The following WBP1L variants were observed in gnomAD, a reference collection of about 807,000 sequenced individuals.
WBP1L encodes WW domain binding protein 1-like.
Under a neutral mutation model 33.7 loss-of-function variants are expected in WBP1L, and 17 were observed. That is an observed-to-expected ratio of 0.50 (90% confidence interval 0.34 to 0.76). The LOEUF (loss-of-function observed/expected upper bound fraction) is 0.76, where lower values mean the gene tolerates loss of function less well. Among genes scored for constraint, WBP1L ranks in the 30% least tolerant of loss-of-function variants. WBP1L has a pLI of 0.01. For synonymous variants in WBP1L, 173 were observed against 190.8 expected (o/e 0.91, Z 0.77); for missense variants, 389 against 469.4 (o/e 0.83, Z 1.58).
rs574725663 is a variant in WBP1L at position 102,765,329 on chromosome 10, C to G, written c.90+21186C>G. ...ACTGCAGCCTCAACCTCCCTGGACA[C>G]TCAGTTGATCCTCCTACCTCACCCT... On this transcript the variant is annotated intron_variant, in intron 1 of 3. Coordinates refer to ENST00000448841, the MANE Select transcript of WBP1L (RefSeq NM_001083913.2). Among the ~76,000 whole-genome samples, 741 of 152,280 alleles carry G rather than the reference C, an allele frequency of 4.9e-3. 9 individuals are homozygous for G. The highest frequency in any genetic ancestry group is 0.023 in the Admixed American group (358 of 15,288).
Position 102,813,579 on chromosome 10 carries a change from C to G in WBP1L, c.*248C>G, listed in dbSNP as rs190292464. 9.2e-6 allele frequency: 5 copies of G among 543,194 alleles called. No homozygotes were observed. The highest frequency in any genetic ancestry group is 5.7e-5 in the African/African-American group (3 of 52,934). The allele number at this position is 543,194 out of a possible 1,614,324, so 33.6% of individuals were successfully genotyped here. On this transcript the variant is annotated 3_prime_UTR_variant, in exon 4 of 4. Transcript: ENST00000448841. The stretch of plus-strand genomic sequence containing the variant: ...TGGTTCTGTGACTCATTCCTCATAC[C>G]CTAACTCCATCTCCTTTCTTTAAAG...
chr10:102,754,837 T>C (rs893512650), intron 1 of WBP1L, among the ~76,000 whole-genome samples: 3 of 152,186 alleles, frequency 2.0e-5, no homozygotes, highest in Admixed American at 2.0e-4. Context: ...CCCAAGTAGC[T>C]AGGACTACAG....
At chr10:102,787,731 T>G (rs187871229) in intron 1 of WBP1L, among the ~76,000 whole-genome samples, 1 of 152,104 alleles carries the variant, frequency 6.6e-6, no homozygotes, top group Admixed American at 6.5e-5. Flanking sequence ...AATTTGAAAA[T>G]GTGTGCCCTT....
intron 1 of WBP1L, among the ~76,000 whole-genome samples, chr10:102,747,378 A>AT: frequency 6.6e-6 from 1 of 152,012 alleles, no homozygotes; most frequent in East Asian, 1.9e-4. Context: ...AAAAAAAAAA[A>AT]AAGAATGAGA....
chr10:102,763,400 T>C (rs1843068440), intron 1 of WBP1L, among the ~76,000 whole-genome samples: 1 of 152,036 alleles, frequency 6.6e-6, no homozygotes, highest in South Asian at 2.1e-4. Flanking sequence ...AACGAGATGG[T>C]AGACTTTGAT....
At chr10:102,772,304 A>G (rs912171333) in intron 1 of WBP1L, among the ~76,000 whole-genome samples, 2 of 113,050 alleles carry the variant, frequency 1.8e-5, no homozygotes, top group African/African-American at 7.0e-5. Flanking sequence ...TCTGTCGCCC[A>G]GGCTGGAGTG....
intron 1 of WBP1L, among the ~76,000 whole-genome samples, chr10:102,766,312 A>G (rs553866769): frequency 2.0e-5 from 3 of 151,752 alleles, no homozygotes; most frequent in South Asian, 2.1e-4. Context: ...CATGGTGCGC[A>G]TGCCTGTAAT....
intron 2 of WBP1L, among the ~76,000 whole-genome samples, chr10:102,800,502 T>C (rs1190039378): frequency 6.6e-6 from 1 of 152,148 alleles, no homozygotes; most frequent in African/African-American, 2.4e-5. Flanking sequence ...GAGAAAGAGC[T>C]GCATGAACGG....
chr10:102,800,637 G>A (rs1843643166), intron 2 of WBP1L, among the ~76,000 whole-genome samples: 1 of 152,300 alleles, frequency 6.6e-6, no homozygotes, highest in African/African-American at 2.4e-5. Flanking sequence ...GGAGGCATGG[G>A]AGACATAAAA....
At chr10:102,753,701 A>G (rs1434415873) in intron 1 of WBP1L, among the ~76,000 whole-genome samples, 1 of 152,228 alleles carries the variant, frequency 6.6e-6, no homozygotes, top group Non-Finnish European at 1.5e-5. Context: ...TCGTCTTCAC[A>G]GTGCCAAAGC....
chr10:102,783,415 G>A (rs771366322), intron 1 of WBP1L, among the ~76,000 whole-genome samples: 4 of 152,192 alleles, frequency 2.6e-5, no homozygotes, highest in South Asian at 2.1e-4. Flanking sequence ...TTGACTCAGC[G>A]GTCGCTAGGT....
intron 1 of WBP1L, among the ~76,000 whole-genome samples, chr10:102,782,715 G>A (rs1436831186): frequency 6.6e-6 from 1 of 152,052 alleles, no homozygotes; most frequent in East Asian, 1.9e-4. Flanking sequence ...CCTCACAAGA[G>A]GCTTCTATTG....
rs768725536 is a variant in WBP1L, at chr10:102,813,289, G to A, written c.1050G>A (p.Glu350=). ...PACLLLNTIN[E]QDSPNSQSSS... ...GCCTGCTGCTGAACACCATCAACGA[G>A]CAGGACTCTCCCAACTCCCAGAGCA... The change falls in exon 4 of 4, where the codon GAG becomes GAA. Residue 350 remains glutamate (E), a synonymous_variant. Coordinates refer to ENST00000448841, the MANE Select transcript of WBP1L (RefSeq NM_001083913.2). 5 of 1,612,556 alleles carry A rather than the reference G, an allele frequency of 3.1e-6. No individual in the cohort carries two copies. Among genetic ancestry groups the A allele is most frequent in the African/African-American group, 2.7e-5 (2 of 75,010 alleles).
At chr10:102,763,143 G>T (rs1843063940) in intron 1 of WBP1L, among the ~76,000 whole-genome samples, 1 of 148,866 alleles carries the variant, frequency 6.7e-6, no homozygotes, top group African/African-American at 2.5e-5. Context: ...GGCAGAGGCT[G>T]CAGTGAGCTG....
chr10:102,744,505 T>C, intron 1 of WBP1L: 1 of 984,210 alleles, frequency 1.0e-6, no homozygotes, highest in Non-Finnish European at 1.2e-6. Flanking sequence ...TGTACGTCTG[T>C]GTGTGTAGGG....
At chr10:102,760,236 C>T (rs1387983957) in intron 1 of WBP1L, among the ~76,000 whole-genome samples, 1 of 152,094 alleles carries the variant, frequency 6.6e-6, no homozygotes, top group Non-Finnish European at 1.5e-5. Flanking sequence ...GAGTGATGCC[C>T]AGGGTGAGAT....
chr10:102,774,935 G>A (rs1021650826), intron 1 of WBP1L, among the ~76,000 whole-genome samples: 1 of 151,714 alleles, frequency 6.6e-6, no homozygotes, highest in Non-Finnish European at 1.5e-5. Flanking sequence ...GCAACATGGC[G>A]AAACCCCATC....
chr10:102,772,935 T>TC (rs1260590872), intron 1 of WBP1L, among the ~76,000 whole-genome samples: 3 of 151,492 alleles, frequency 2.0e-5, no homozygotes, highest in Non-Finnish European at 4.4e-5. Flanking sequence ...CTTTTTTTTT[T>TC]TTTTTTTAAG....
chr10:102,750,393 T>C (rs924470008), intron 1 of WBP1L, among the ~76,000 whole-genome samples: 1 of 151,120 alleles, frequency 6.6e-6, no homozygotes, highest in African/African-American at 2.4e-5. Context: ...AGACCCTGTC[T>C]CAAAAAAAGA....
Sources: allele counts gnomAD v4.1 joint callset (sites outside exome capture counted in the v4.1 genomes callset), GRCh38; gene constraint gnomAD v4.1.1; transcripts MANE v1.5; gene names NCBI Gene and HGNC (gene_info 2026-07-23, HGNC 2026-07-21).